The following SGCZ variants were observed in gnomAD, a reference collection of about 807,000 sequenced individuals.
The protein encoded by SGCZ is sarcoglycan zeta.
In SGCZ, 40 loss-of-function variants were observed where a neutral mutation model predicts 41.3. The observed-to-expected ratio is 0.97, with a 90% CI of 0.75 to 1.26. The LOEUF is 1.26. Ranked by LOEUF, SGCZ falls within the 50% of genes most tolerant of loss-of-function variation. SGCZ has a pLI of 0.00. For synonymous variants in SGCZ, 206 were observed against 137.5 expected, an observed-to-expected ratio of 1.50 and a Z score of -3.49; for missense variants, 552 against 369.8, an observed-to-expected ratio of 1.49 and a Z score of -4.04.
intron 1 of SGCZ, among the ~76,000 whole-genome samples, chr8:14,762,551 T>A (rs1799920453): frequency 6.6e-6 from 1 of 152,190 alleles, no homozygotes; most frequent in Non-Finnish European, 1.5e-5. Flanking sequence ...TTACACAAAA[T>A]TGCTGAGAGC....
chr8:14,428,769 G>C (rs1332276157), intron 2 of SGCZ, among the ~76,000 whole-genome samples: 1 of 152,132 alleles, frequency 6.6e-6, no homozygotes, highest in East Asian at 1.9e-4. Context: ...TTGTTGAGGA[G>C]GTCAGAAGCC....
At chr8:14,867,545 T>C (rs988978693) in intron 1 of SGCZ, among the ~76,000 whole-genome samples, 2 of 152,126 alleles carry the variant, frequency 1.3e-5, no homozygotes, top group Non-Finnish European at 2.9e-5. Context: ...TCCACAATGG[T>C]TAAACTAATT....
chr8:14,739,106 C>T (rs909761629), intron 1 of SGCZ, among the ~76,000 whole-genome samples: 1 of 151,930 alleles, frequency 6.6e-6, no homozygotes, highest in African/African-American at 2.4e-5. Context: ...TTAATTACTA[C>T]TGTGTATGTG....
rs192824967 is a variant in SGCZ at position 14,783,588 on chromosome 8, C to T, written c.40-228662G>A. ...ACTATAACATAATAATTTTTTTTTC[C>T]TTCAGATTCTGACAACCAATTCCTG... is the stretch of plus-strand genomic sequence containing the variant. On this transcript the variant is annotated intron_variant, in intron 1 of 7. Transcript: ENST00000382080. 2.8e-3 allele frequency among the ~76,000 whole-genome samples: 423 copies of T among 151,462 alleles called. 3 individuals are homozygous for T. Among genetic ancestry groups the T allele is most frequent in the Non-Finnish European group, 2.9e-3 (195 of 67,828 alleles).
chr8:14,574,493 G>A (rs532117505), intron 1 of SGCZ, among the ~76,000 whole-genome samples: 1 of 152,298 alleles, frequency 6.6e-6, no homozygotes, highest in East Asian at 1.9e-4. Flanking sequence ...TACCAGGGAA[G>A]AAGAAATGCT....
At chr8:14,111,818 G>T (rs1016932655) in intron 5 of SGCZ, among the ~76,000 whole-genome samples, 2 of 152,206 alleles carry the variant, frequency 1.3e-5, no homozygotes, top group East Asian at 3.9e-4. Flanking sequence ...AGGCAGATAT[G>T]GATTATGGTC....
In SGCZ at chr8:14,340,095, G is replaced by A. The variant is rs533581008; in HGVS notation, c.235-15891C>T. Among the ~76,000 whole-genome samples, 4 of 152,120 alleles carry A rather than the reference G, an allele frequency of 2.6e-5. No individual in the cohort carries two copies. In the South Asian group the frequency reaches 6.2e-4, roughly 24 times the overall value. On this transcript the variant is annotated intron_variant, in intron 2 of 7. Transcript: ENST00000382080. Reference sequence around the variant, plus strand: ...TAAAGCAAAATCTGCTGAAGATATGGTCAATTACATTTCCCTTTTATCTTC... The same window carrying A: ...TAAAGCAAAATCTGCTGAAGATATGATCAATTACATTTCCCTTTTATCTTC...
chr8:14,318,229 A>G (rs939949114), intron 3 of SGCZ, among the ~76,000 whole-genome samples: 1 of 151,806 alleles, frequency 6.6e-6, no homozygotes, highest in Non-Finnish European at 1.5e-5. Context: ...AAGGAGAGGA[A>G]CAGGAGGAAG....
At chr8:14,241,868 T>C (rs1384102133) in intron 3 of SGCZ, among the ~76,000 whole-genome samples, 3 of 152,346 alleles carry the variant, frequency 2.0e-5, no homozygotes, top group Non-Finnish European at 4.4e-5. Flanking sequence ...TTCTTCTCAT[T>C]TTAATATTTT....
At chr8:15,084,319 G>A (rs919150332) in intron 1 of SGCZ, among the ~76,000 whole-genome samples, 4 of 152,122 alleles carry the variant, frequency 2.6e-5, no homozygotes, top group Admixed American at 6.6e-5. Context: ...ATCATTTTAT[G>A]TCTGATATGA....
At chr8:15,231,088 T>G (rs1189749566) in intron 1 of SGCZ, among the ~76,000 whole-genome samples, 1 of 152,316 alleles carries the variant, frequency 6.6e-6, no homozygotes, top group Non-Finnish European at 1.5e-5. Context: ...TTTAGTACTT[T>G]GCATGCTTCT....
chr8:14,839,857 C>G (rs1218657346), intron 1 of SGCZ, among the ~76,000 whole-genome samples: 1 of 152,138 alleles, frequency 6.6e-6, no homozygotes, highest in Non-Finnish European at 1.5e-5. Flanking sequence ...CATTGACCCA[C>G]TTGACAAGGA....
At chr8:14,722,893 TCAA>T (rs1375287827) in intron 1 of SGCZ, among the ~76,000 whole-genome samples, 1 of 152,104 alleles carries the variant, frequency 6.6e-6, no homozygotes, top group South Asian at 2.1e-4. Flanking sequence ...GCGTTCCATT[TCAA>T]CAACAGTAAA....
chr8:14,464,047 C>T (rs544128226), intron 2 of SGCZ, among the ~76,000 whole-genome samples: 8 of 151,670 alleles, frequency 5.3e-5, no homozygotes, highest in Admixed American at 1.3e-4. Context: ...AGCTTTGTAT[C>T]AATGTTCATA....
At chr8:14,688,885 T>C (rs925285831) in intron 1 of SGCZ, among the ~76,000 whole-genome samples, 3 of 152,074 alleles carry the variant, frequency 2.0e-5, no homozygotes, top group Non-Finnish European at 4.4e-5. Flanking sequence ...GCCCAAAATG[T>C]CCTTAAGCTG....
intron 2 of SGCZ, among the ~76,000 whole-genome samples, chr8:14,446,840 A>G (rs910987714): frequency 6.6e-5 from 10 of 152,200 alleles, no homozygotes; most frequent in African/African-American, 2.4e-4. Context: ...TGTTATTTTT[A>G]AAAGCACAAA....
At chr8:14,474,603 T>C (rs1434627491) in intron 2 of SGCZ, among the ~76,000 whole-genome samples, 1 of 152,236 alleles carries the variant, frequency 6.6e-6, no homozygotes, top group Non-Finnish European at 1.5e-5. Context: ...GGTAGCCCTG[T>C]ATAAAAAATT....
chr8:15,030,307 AC>A (rs1308693142), intron 1 of SGCZ, among the ~76,000 whole-genome samples: 1 of 152,164 alleles, frequency 6.6e-6, no homozygotes, highest in Non-Finnish European at 1.5e-5. Context: ...AGAAAATAGC[AC>A]GGTGAAAATC....
At chr8:14,570,505 G>T (rs949025948) in intron 1 of SGCZ, among the ~76,000 whole-genome samples, 1 of 152,092 alleles carries the variant, frequency 6.6e-6, no homozygotes, top group Non-Finnish European at 1.5e-5. Flanking sequence ...ATTAAATGTG[G>T]AAATGTATAA....
Sources: allele counts gnomAD v4.1 joint callset (sites outside exome capture counted in the v4.1 genomes callset), GRCh38; gene constraint gnomAD v4.1.1; transcripts MANE v1.5; gene names NCBI Gene and HGNC (gene_info 2026-07-23, HGNC 2026-07-21).